The following PARD3 variants were observed in gnomAD, a reference collection of about 807,000 sequenced individuals.
PARD3 encodes partitioning defective 3 homolog.
Under a neutral mutation model 155.4 loss-of-function variants are expected in PARD3, and 75 were observed. That is an observed-to-expected ratio of 0.48 (90% CI 0.40 to 0.58). The LOEUF is 0.58. PARD3 is among the 20% of genes least tolerant of loss of function. The probability of loss-of-function intolerance (pLI) is 0.00; values close to 1 mark genes in which losing one functional copy is unlikely to be tolerated. For synonymous variants in PARD3, 576 were observed against 610.5 expected (o/e 0.94, Z 0.83); for missense variants, 1,642 against 1,721.7 (o/e 0.95, Z 0.82).
At chr10:34,187,791 A>G (rs1332146432) in intron 22 of PARD3, among the ~76,000 whole-genome samples, 1 of 152,212 alleles carries the variant, frequency 6.6e-6, no homozygotes, top group Non-Finnish European at 1.5e-5. Context: ...AATGTTAATT[A>G]TGCTCTCCAA....
chr10:34,272,498 T>A (rs766741954), intron 21 of PARD3, among the ~76,000 whole-genome samples: 1 of 152,060 alleles, frequency 6.6e-6, no homozygotes, highest in Admixed American at 6.6e-5. Flanking sequence ...AGGAGGCTGA[T>A]GGGGGCGTGC....
intron 1 of PARD3, among the ~76,000 whole-genome samples, chr10:34,771,299 G>A (rs1588679069): frequency 6.6e-6 from 1 of 152,302 alleles, no homozygotes; most frequent in East Asian, 1.9e-4. Flanking sequence ...GCCTGTCCCT[G>A]TGGTTTGACT....
chr10:34,449,068 G>A (rs188917088), intron 5 of PARD3, among the ~76,000 whole-genome samples: 8,311 of 141,056 alleles, frequency 0.059, 775 homozygotes, highest in African/African-American at 0.22. Context: ...ACAGGTGCCC[G>A]CCACCACGCC....
intron 2 of PARD3, among the ~76,000 whole-genome samples, chr10:34,671,316 C>T (rs745534338): frequency 1.3e-5 from 2 of 152,046 alleles, no homozygotes; most frequent in Admixed American, 6.6e-5. Flanking sequence ...GATATTCTAA[C>T]GATATAAAAT....
chr10:34,637,579 T>C (rs1390282464), intron 2 of PARD3, among the ~76,000 whole-genome samples: 2 of 152,198 alleles, frequency 1.3e-5, no homozygotes, highest in East Asian at 1.9e-4. Flanking sequence ...AATAATGTGC[T>C]TTGTTCTCAA....
Position 34,431,238 on chromosome 10 carries a change from A to G in PARD3, c.714+19079T>C, listed in dbSNP as rs150370344. ...GAGTGTCATCTTAATGTGAGCATCA[A>G]TACACATGATCAAAGACAGAATTAA... On this transcript the variant is annotated intron_variant, in intron 5 of 24. Coordinates refer to ENST00000374788, the MANE Select transcript of PARD3 (RefSeq NM_001184785.2). Among the ~76,000 whole-genome samples, 477 of 152,326 alleles carry G rather than the reference A, an allele frequency of 3.1e-3. 2 individuals carry two copies. The highest frequency in any genetic ancestry group is 0.011 in the African/African-American group (449 of 41,578).
At chr10:34,764,716 G>T (rs1239592981) in intron 1 of PARD3, among the ~76,000 whole-genome samples, 1 of 152,084 alleles carries the variant, frequency 6.6e-6, no homozygotes, top group African/African-American at 2.4e-5. Context: ...TAAATGGTGG[G>T]AACTGTTGAC....
Position 34,382,590 on chromosome 10 carries a change from C to G in PARD3, c.1349G>C (p.Gly450Ala). The G allele has an allele frequency of 6.2e-7, 1 of 1,613,810 alleles. No homozygotes were observed. Among genetic ancestry groups the G allele is most frequent in the South Asian group, 1.1e-5 (1 of 91,052 alleles). The change falls in exon 9 of 25, where the codon GGT becomes GCT. Residue 450 changes from glycine to alanine, a missense_variant. Transcript: ENST00000374788. Reference protein sequence around the residue: ...QNVFSTTVSSGYNTKKIGKRL... With the variant: ...QNVFSTTVSSAYNTKKIGKRL... ...CTTGCCTATTTTTTTGGTGTTATAA[C>G]CACTGCTTACAGTCGTACTAAATAC...
chr10:34,293,068 CA>C (rs770840774), intron 20 of PARD3, among the ~76,000 whole-genome samples: 2 of 151,972 alleles, frequency 1.3e-5, no homozygotes, highest in African/African-American at 4.8e-5. Context: ...AACAAATAAA[CA>C]AAAAACTGTG....
intron 2 of PARD3, among the ~76,000 whole-genome samples, chr10:34,654,503 A>G (rs2093111069): frequency 6.6e-6 from 1 of 152,346 alleles, no homozygotes; most frequent in South Asian, 2.1e-4. Flanking sequence ...AAAAATATCT[A>G]TAACTCTCTA....
At chr10:34,655,431 G>C (rs771857596) in intron 2 of PARD3, among the ~76,000 whole-genome samples, 1 of 151,998 alleles carries the variant, frequency 6.6e-6, no homozygotes, top group African/African-American at 2.4e-5. Flanking sequence ...CATGACTGTG[G>C]GTGTGTGTGA....
intron 2 of PARD3, among the ~76,000 whole-genome samples, chr10:34,581,234 C>CTTTTCTTT (rs1395063490): frequency 9.9e-6 from 1 of 101,274 alleles, no homozygotes; most frequent in Non-Finnish European, 1.9e-5. Flanking sequence ...TTTTTCTTTT[C>CTTTTCTTT]TTTTTTTTTT....
At chr10:34,415,565 A>G (rs1040672385) in intron 5 of PARD3, among the ~76,000 whole-genome samples, 1 of 152,226 alleles carries the variant, frequency 6.6e-6, no homozygotes, top group South Asian at 2.1e-4. Context: ...CAATGAATTT[A>G]TAGCAAACCA....
At chr10:34,684,872 C>CACACAA (rs2093926543) in intron 2 of PARD3, among the ~76,000 whole-genome samples, 1 of 95,894 alleles carries the variant, frequency 1.0e-5, no homozygotes, top group Non-Finnish European at 2.1e-5. Context: ...TATATATACA[C>CACACAA]ACACATACAC....
intron 2 of PARD3, among the ~76,000 whole-genome samples, chr10:34,520,155 G>T (rs549383738): frequency 6.6e-6 from 1 of 152,226 alleles, no homozygotes; most frequent in South Asian, 2.1e-4. Context: ...TGGCTTTGTC[G>T]TTTGGAACAA....
At chr10:34,666,816 T>TATATATATATATATATACACACAC (rs765552982) in intron 2 of PARD3, among the ~76,000 whole-genome samples, 1 of 88,808 alleles carries the variant, frequency 1.1e-5, no homozygotes. Context: ...TATATATATA[T>TATATATATATATATATACACACAC]ACACACACAC....
chr10:34,116,241 C>T (rs1946663512), intron 24 of PARD3, among the ~76,000 whole-genome samples: 1 of 152,194 alleles, frequency 6.6e-6, no homozygotes, highest in Admixed American at 6.5e-5. Flanking sequence ...ATATACATGC[C>T]TCTAATTCAA....
intron 24 of PARD3, among the ~76,000 whole-genome samples, chr10:34,116,294 G>A (rs1418570598): frequency 1.3e-5 from 2 of 152,162 alleles, no homozygotes; most frequent in Non-Finnish European, 2.9e-5. Context: ...CAGACCATTT[G>A]TTTTATTTTA....
chr10:34,683,026 C>T (rs1318299681), intron 2 of PARD3, among the ~76,000 whole-genome samples: 1 of 152,164 alleles, frequency 6.6e-6, no homozygotes, highest in East Asian at 1.9e-4. Context: ...AGCACAAAAC[C>T]TTAATGTGAA....
Sources: gnomAD v4.1 joint callset for allele counts (sites outside exome capture counted in the v4.1 genomes callset) on GRCh38, gnomAD v4.1.1 for gene constraint, MANE v1.5 for transcripts, NCBI Gene and HGNC (gene_info 2026-07-23, HGNC 2026-07-21) for gene names.